The following MROH2A variants were observed in gnomAD, a reference collection of about 807,000 sequenced individuals.
The protein encoded by MROH2A is maestro heat-like repeat-containing protein family member 2A.
MROH2A carries 174 observed loss-of-function variants against 200.4 expected under a neutral mutation model. That is an observed-to-expected ratio of 0.87 (90% CI 0.77 to 0.98). MROH2A has a LOEUF of 0.98. Ranked by LOEUF, MROH2A falls within the 50% of genes least tolerant of loss-of-function variation. The probability of loss-of-function intolerance (pLI) is 0.00; values close to 1 mark genes in which losing one functional copy is unlikely to be tolerated. For missense variants in MROH2A, 2,045 were observed against 2,139.6 expected, an observed-to-expected ratio of 0.96 and a Z score of 0.87; for synonymous variants, 829 against 840.4, an observed-to-expected ratio of 0.99 and a Z score of 0.23.
At position 233,814,651 on chromosome 2, in the gene MROH2A, C is replaced by T; in HGVS notation, c.2830C>T (p.Pro944Ser). ...MESLLQRQLD[P>S]KGLQEMVQLL... ...GAGCCTCCTGCAGAGGCAGCTGGAC[C>T]CCAAGGGGCTGCAGGAGATGGTGCA... The change falls in exon 26 of 42, where the codon CCC becomes TCC. Residue 944 changes from proline (P) to serine (S), a missense_variant. This residue lies in a region of MROH2A where 1,201 missense variants were observed against 1,311.3 expected (regional missense o/e 0.92). Coordinates refer to ENST00000389758, the MANE Select transcript of MROH2A (RefSeq NM_001394639.1). The T allele has an allele frequency of 6.4e-7, 1 of 1,550,392 alleles. No individual in the cohort carries two copies. The highest frequency in any genetic ancestry group is 1.2e-5 in the South Asian group (1 of 84,008).
chr2:233,791,464 G>T (rs1206975022), intron 5 of MROH2A, among the ~76,000 whole-genome samples: 1 of 152,204 alleles, frequency 6.6e-6, no homozygotes, highest in Non-Finnish European at 1.5e-5. Context: ...ACTTCATGCT[G>T]TGTGTGGAGC....
chr2:233,823,820 A>G, intron 35 of MROH2A, 156 bp downstream of exon 35: 1 of 942,462 alleles, frequency 1.1e-6, no homozygotes. Context: ...TCCTTCATTC[A>G]TTCATCACAT....
At chr2:233,803,424 TG>T (rs1702594338) in intron 15 of MROH2A, 23 bp from the exon 16 acceptor site, 1 of 1,550,434 alleles carries the variant, frequency 6.4e-7, no homozygotes, top group Non-Finnish European at 8.7e-7. Flanking sequence ...AAGGCTCAGC[TG>T]GGGTTGCATT....
chr2:233,817,699 C>T (rs982878858), intron 27 of MROH2A, among the ~76,000 whole-genome samples: 1 of 152,218 alleles, frequency 6.6e-6, no homozygotes, highest in African/African-American at 2.4e-5. Context: ...CTGATTTGAT[C>T]CCCAGGGTTC....
intron 8 of MROH2A, among the ~76,000 whole-genome samples, chr2:233,794,804 C>T (rs529360957): frequency 2.6e-5 from 4 of 152,280 alleles, no homozygotes; most frequent in East Asian, 1.9e-4. Context: ...ACCACACATG[C>T]GTAGCTTGAA....
intron 16 of MROH2A, among the ~76,000 whole-genome samples, 168 bp from the exon 17 acceptor site, chr2:233,803,883 C>T (rs1305305210): frequency 6.6e-6 from 1 of 152,124 alleles, no homozygotes; most frequent in Middle Eastern, 3.2e-3. Flanking sequence ...AGCCCCCATC[C>T]CCCATCCTTC....
intron 3 of MROH2A, among the ~76,000 whole-genome samples, chr2:233,785,383 A>G (rs1701152771): frequency 6.7e-6 from 1 of 149,612 alleles, no homozygotes; most frequent in African/African-American, 2.5e-5. Flanking sequence ...GCATTGTTTG[A>G]GCCCAGCATT....
At position 233,790,039 on chromosome 2, in the gene MROH2A, G is replaced by A. The variant is rs1018983178; in HGVS notation, c.571+25G>A. The A allele has an allele frequency of 1.1e-5, 17 of 1,524,676 alleles. No homozygotes were observed. The East Asian group carries it at 1.2e-4, about 11-fold the overall frequency. 94.4% of individuals were successfully genotyped at this position (1,524,676 alleles called of 1,614,324 possible). On this transcript the variant is annotated intron_variant, in intron 5 of 41. Coordinates refer to ENST00000389758, the MANE Select transcript of MROH2A (RefSeq NM_001394639.1). ...GGTAGGGGCTTGAGGGCCCTCAGCC[G>A]GGCCCAGTGTGCCCTTCTGGTCTCT...
chr2:233,793,175 C>T (rs1431989022), intron 6 of MROH2A, among the ~76,000 whole-genome samples: 1 of 152,200 alleles, frequency 6.6e-6, no homozygotes, highest in Non-Finnish European at 1.5e-5. Context: ...CACTTCAGTT[C>T]ATGAGACCAC....
Position 233,818,672 on chromosome 2 carries a change from T to TG in MROH2A, c.3110dup (p.Ser1039PhefsTer7). On this transcript the variant is annotated frameshift_variant, in exon 29 of 42. Transcript: ENST00000389758. LOFTEE classifies it high-confidence loss of function. ...GACAGCAAGCCAGACCTGCTCCTTG[T>TG]GGGGCCCTTCCAAGCAGAAGGAGCT... 1 of 1,548,802 alleles carries TG rather than the reference T, an allele frequency of 6.5e-7. No homozygotes were observed. Among genetic ancestry groups the TG allele is most frequent in the Non-Finnish European group, 8.7e-7 (1 of 1,145,538 alleles).
chr2:233,796,938 T>C (rs1481320713), intron 11 of MROH2A, among the ~76,000 whole-genome samples: 2 of 152,216 alleles, frequency 1.3e-5, no homozygotes, highest in Non-Finnish European at 2.9e-5. Context: ...AAATGCACAT[T>C]TAAGCAACAA....
intron 3 of MROH2A, among the ~76,000 whole-genome samples, chr2:233,782,369 C>A (rs1291465925): frequency 1.3e-5 from 2 of 152,106 alleles, no homozygotes; most frequent in Admixed American, 1.3e-4. Context: ...TTCTTCAATT[C>A]TTTTCATCAG....
intron 34 of MROH2A, 107 bp from the exon 35 acceptor site, chr2:233,823,449 A>G (rs1260997172): frequency 2.9e-6 from 4 of 1,360,520 alleles, no homozygotes; most frequent in Non-Finnish European, 3.9e-6. Flanking sequence ...TTCCGGGGTT[A>G]TCTTGCCACC....
chr2:233,787,135 C>T (rs1214633976), intron 3 of MROH2A, among the ~76,000 whole-genome samples: 1 of 152,088 alleles, frequency 6.6e-6, no homozygotes, highest in East Asian at 1.9e-4. Context: ...TTTGTTATTT[C>T]CAAGTCTTTG....
At position 233,802,161 on chromosome 2, in the gene MROH2A, A is replaced by G. The variant is rs925569023; in HGVS notation, c.1561-7A>G. The stretch of plus-strand genomic sequence containing the variant: ...CTGAGCCCCTTTCTCTCCCACCCCT[A>G]CCCCAGGAGTTTTGGGTGAGGCTGC... On this transcript the variant is annotated splice_region_variant and splice_polypyrimidine_tract_variant and intron_variant, in intron 14 of 41. Transcript: ENST00000389758. 7 of 1,547,408 alleles carry G rather than the reference A, an allele frequency of 4.5e-6. No homozygotes were observed. The highest frequency in any genetic ancestry group is 6.1e-6 in the Non-Finnish European group (7 of 1,144,972).
chr2:233,786,160 GTGTTCCCCCT>G (rs1210420009), intron 3 of MROH2A, among the ~76,000 whole-genome samples: 1 of 152,176 alleles, frequency 6.6e-6, no homozygotes, highest in Non-Finnish European at 1.5e-5. Flanking sequence ...GAACATGACT[GTGTTCCCCCT>G]TTGTCTCCTA....
chr2:233,814,805 T>A, intron 26 of MROH2A, 128 bp downstream of exon 26: 1 of 610,848 alleles, frequency 1.6e-6, no homozygotes, highest in East Asian at 3.1e-5. Flanking sequence ...TGTTATAAAA[T>A]TCCAGATCTG....
intron 35 of MROH2A, among the ~76,000 whole-genome samples, chr2:233,826,595 G>A (rs1704324125): frequency 6.6e-6 from 1 of 152,122 alleles, no homozygotes; most frequent in Non-Finnish European, 1.5e-5. Flanking sequence ...AGACTTAAAT[G>A]TAAAACCCAA....
In MROH2A at chr2:233,828,676, C is replaced by T; in HGVS notation, c.4160C>T (p.Ala1387Val). The change falls in exon 36 of 42, where the codon GCA (alanine) becomes GTA (valine). Residue 1387 changes from alanine to valine, a missense_variant. By Grantham distance (64) the Ala-to-Val change is moderately conservative (BLOSUM62 0). Coordinates refer to ENST00000389758, the MANE Select transcript of MROH2A (RefSeq NM_001394639.1). The surrounding 1 kb of genome is among the most constrained non-coding windows in gnomAD (Gnocchi z 4.6). ...TACCAGGAGAAGCTGCTGAAGCCGG[C>T]AGCTTTGCTGCTGGAGAAGGGTGCC... ...VLYQEKLLKP[A>V]ALLLEKGADQ... The T allele has an allele frequency of 1.3e-6, 2 of 1,550,744 alleles. No individual in the cohort carries two copies. Among genetic ancestry groups the T allele is most frequent in the South Asian group, 2.4e-5 (2 of 84,050 alleles).
Sources: allele counts gnomAD v4.1 joint callset (sites outside exome capture counted in the v4.1 genomes callset), GRCh38; gene constraint gnomAD v4.1.1; regional missense constraint gnomAD v4.1.1; non-coding constraint Gnocchi (gnomAD v3.1); transcripts MANE v1.5; gene names NCBI Gene and HGNC (gene_info 2026-07-23, HGNC 2026-07-21).